Variants in CSMD1 observed in about 807,000 individuals in gnomAD.
CSMD1 encodes CUB and sushi domain-containing protein 1.
Under a neutral mutation model 417.5 loss-of-function variants are expected in CSMD1, and 213 were observed. That is an observed-to-expected ratio of 0.51 (90% CI 0.46 to 0.57). The LOEUF (loss-of-function observed/expected upper bound fraction) is 0.57. Among genes scored for constraint, CSMD1 ranks in the 20% least tolerant of loss-of-function variants. The probability of loss-of-function intolerance (pLI) is 0.00; values close to 1 mark genes in which losing one functional copy is unlikely to be tolerated. For missense variants in CSMD1, 6,923 were observed against 4,529.7 expected (o/e 1.53, Z -15.17); for synonymous variants, 2,862 against 1,736.8 (o/e 1.65, Z -16.11).
At chr8:3,575,105 T>G (rs761804370) in intron 9 of CSMD1, 39 bp from the exon 10 acceptor site, 2 of 1,603,790 alleles carry the variant, frequency 1.2e-6, no homozygotes, top group South Asian at 2.2e-5. Context: ...TCTACAACAT[T>G]GTGTCAGTTT....
intron 42 of CSMD1, chr8:3,112,811 A>C (rs1816600909): frequency 6.6e-6 from 1 of 152,238 alleles, no homozygotes; most frequent in South Asian, 2.1e-4. Flanking sequence ...ATAAGATAAC[A>C]ATATTCTATC....
chr8:4,406,333 C>G (rs1805018870), intron 3 of CSMD1, among the ~76,000 whole-genome samples: 2 of 152,088 alleles, frequency 1.3e-5, no homozygotes. Flanking sequence ...ATTCAACACA[C>G]TCAAAATGAC....
At chr8:3,756,891 G>A (rs1464165294) in intron 5 of CSMD1, among the ~76,000 whole-genome samples, 2 of 152,120 alleles carry the variant, frequency 1.3e-5, no homozygotes, top group East Asian at 3.8e-4. Context: ...CGACTCCTGG[G>A]CTCAAGCCAT....
intron 3 of CSMD1, among the ~76,000 whole-genome samples, chr8:4,215,424 G>T (rs939342442): frequency 1.3e-5 from 2 of 152,034 alleles, no homozygotes; most frequent in Non-Finnish European, 2.9e-5. Flanking sequence ...TGAATCATTA[G>T]TAACACAAAA....
At chr8:3,686,046 T>C (rs953815867) in intron 7 of CSMD1, among the ~76,000 whole-genome samples, 1 of 152,108 alleles carries the variant, frequency 6.6e-6, no homozygotes, top group Non-Finnish European at 1.5e-5. Context: ...CCAATGCTCC[T>C]TGCCCCCACC....
Position 3,872,286 on chromosome 8 carries a change from G to T in CSMD1, c.819-118244C>A, listed in dbSNP as rs568699972. Among the ~76,000 whole-genome samples, 7 of 152,192 alleles carry T rather than the reference G, an allele frequency of 4.6e-5. No homozygotes were observed. In the South Asian group the frequency reaches 1.5e-3, roughly 32 times the overall value. On this transcript the variant is annotated intron_variant, in intron 5 of 69. Transcript: ENST00000635120. ...TGTGAACTGAACGTGTCAGGTTTGGGGTCACCCTGTAAGTGCCATCTGGCT... is the reference window on the plus strand; with the variant it reads ...TGTGAACTGAACGTGTCAGGTTTGGTGTCACCCTGTAAGTGCCATCTGGCT...
chr8:4,816,034 G>A (rs1799186754), intron 1 of CSMD1, among the ~76,000 whole-genome samples: 1 of 152,152 alleles, frequency 6.6e-6, no homozygotes, highest in Non-Finnish European at 1.5e-5. Flanking sequence ...CAGGTGCAGA[G>A]GCTTACCAGG....
At position 3,871,138 on chromosome 8, in the gene CSMD1, G is replaced by C. The variant is rs553795603; in HGVS notation, c.819-117096C>G. Among the ~76,000 whole-genome samples, 11 of 152,064 alleles carry C rather than the reference G, an allele frequency of 7.2e-5. No individual in the cohort carries two copies. The East Asian group carries it at 1.5e-3, about 21-fold the overall frequency. ...GAATATTTTCAATTTTTTAAAACAA[G>C]TAATACCTCACTCATCATACTTTTA... On this transcript the variant is annotated intron_variant, in intron 5 of 69. Coordinates refer to ENST00000635120, the MANE Select transcript of CSMD1 (RefSeq NM_033225.6).
intron 1 of CSMD1, chr8:4,787,222 C>A (rs1797449054): frequency 1.2e-5 from 6 of 488,562 alleles, no homozygotes; most frequent in Admixed American, 3.5e-5. Context: ...GGGGGCGCGC[C>A]TGGGGGCCGC....
At chr8:4,913,008 C>T (rs1023959241) in intron 1 of CSMD1, among the ~76,000 whole-genome samples, 1 of 152,100 alleles carries the variant, frequency 6.6e-6, no homozygotes, top group Admixed American at 6.5e-5. Context: ...AGGATAGTCT[C>T]GAACTCCTGA....
At chr8:3,827,008 C>T (rs1802093146) in intron 5 of CSMD1, among the ~76,000 whole-genome samples, 1 of 152,110 alleles carries the variant, frequency 6.6e-6, no homozygotes, top group South Asian at 2.1e-4. Flanking sequence ...TCTTGAACTC[C>T]TGATATGAAG....
At chr8:4,402,342 C>G (rs1028656089) in intron 3 of CSMD1, among the ~76,000 whole-genome samples, 5 of 152,070 alleles carry the variant, frequency 3.3e-5, no homozygotes, top group Non-Finnish European at 5.9e-5. Flanking sequence ...TCATCACACT[C>G]CTTCCCCTGA....
intron 2 of CSMD1, among the ~76,000 whole-genome samples, chr8:4,632,865 T>A (rs1802606108): frequency 6.6e-6 from 1 of 152,156 alleles, no homozygotes; most frequent in African/African-American, 2.4e-5. Context: ...AGGCCGGGAA[T>A]AAGAGGACAA....
chr8:3,088,831 T>A (rs1814720613), intron 48 of CSMD1, among the ~76,000 whole-genome samples: 1 of 117,394 alleles, frequency 8.5e-6, no homozygotes, highest in Non-Finnish European at 1.7e-5. Flanking sequence ...TGGCTTGGAA[T>A]CACTGTGCTA....
intron 2 of CSMD1, among the ~76,000 whole-genome samples, chr8:4,451,016 G>A (rs972250850): frequency 3.0e-5 from 3 of 101,242 alleles, no homozygotes; most frequent in South Asian, 2.7e-4. Context: ...GTTGACCAAC[G>A]TGGGGAAAAA....
chr8:3,890,540 A>C (rs551570609), intron 5 of CSMD1, among the ~76,000 whole-genome samples: 3 of 152,100 alleles, frequency 2.0e-5, no homozygotes, highest in African/African-American at 7.2e-5. Flanking sequence ...AAATAACTCT[A>C]TCTCTCAAAG....
intron 1 of CSMD1, among the ~76,000 whole-genome samples, chr8:4,956,042 C>T (rs1809087518): frequency 6.6e-6 from 1 of 152,176 alleles, no homozygotes; most frequent in Non-Finnish European, 1.5e-5. Context: ...TGCTCAAAGA[C>T]CACTTGCTCC....
intron 16 of CSMD1, among the ~76,000 whole-genome samples, chr8:3,398,684 C>T (rs573150612): frequency 8.5e-5 from 13 of 152,118 alleles, no homozygotes; most frequent in Non-Finnish European, 1.8e-4. Context: ...AAGATGCCTC[C>T]CTAGCCTTTG....
intron 41 of CSMD1, among the ~76,000 whole-genome samples, chr8:3,134,004 C>G (rs1398053312): frequency 6.6e-6 from 1 of 152,000 alleles, no homozygotes; most frequent in Non-Finnish European, 1.5e-5. Context: ...GTGGTGAAAC[C>G]CTGTCTCCAC....
Sources: gnomAD v4.1 joint callset for allele counts (sites outside exome capture counted in the v4.1 genomes callset) on GRCh38, gnomAD v4.1.1 for gene constraint, MANE v1.5 for transcripts, NCBI Gene and HGNC (gene_info 2026-07-23, HGNC 2026-07-21) for gene names.